The following MXRA5 variants were observed in gnomAD, a reference collection of about 807,000 sequenced individuals.
MXRA5 encodes matrix-remodeling-associated protein 5.
Under a neutral mutation model 112.5 loss-of-function variants are expected in MXRA5, and 41 were observed. The ratio of observed to expected loss-of-function variants is 0.36; its 90% CI spans 0.28 to 0.47. MXRA5 has a LOEUF of 0.47. Ranked by LOEUF, MXRA5 falls within the 20% of genes least tolerant of loss-of-function variation. The pLI, the probability that MXRA5 is intolerant of heterozygous loss-of-function variation, is 0.99. For synonymous variants in MXRA5, 862 were observed against 900.8 expected (o/e 0.96, Z 0.77); for missense variants, 2,150 against 2,251.0 (o/e 0.96, Z 0.91).
chrX:3,331,056 C>G (rs752479977), intron 2 of MXRA5, among the ~76,000 whole-genome samples: 6 of 111,159 alleles, frequency 5.4e-5, no homozygotes, highest in Non-Finnish European at 9.4e-5. Flanking sequence ...GCACAGGCCA[C>G]TATCCCTGGC....
In MXRA5 at chrX:3,324,985, A is replaced by G. The variant is rs773519953; in HGVS notation, c.710-10T>C. On this transcript the variant is annotated splice_polypyrimidine_tract_variant and intron_variant, in intron 4 of 6. Coordinates refer to ENST00000217939, the MANE Select transcript of MXRA5 (RefSeq NM_015419.4). Reference sequence around the variant, plus strand: ...TTACACTTCAGAATTCCTAAAACAAATAAGCAAATAGACAATAGGGTAAGG... The same window carrying G: ...TTACACTTCAGAATTCCTAAAACAAGTAAGCAAATAGACAATAGGGTAAGG... 9 of 1,158,486 alleles carry G rather than the reference A, an allele frequency of 7.8e-6. No homozygotes were observed. In the Admixed American group the frequency reaches 9.6e-5, roughly 12 times the overall value.
intron 1 of MXRA5, among the ~76,000 whole-genome samples, chrX:3,345,760 C>G (rs1351081050): frequency 1.1e-4 from 12 of 112,963 alleles, no homozygotes; most frequent in South Asian, 3.6e-4. Context: ...CTGGAGTGGC[C>G]GGGCGGGCAG....
rs1247204020 is a variant in MXRA5 at position 3,321,236 on chromosome X, A to T, written c.4449T>A (p.Pro1483=). Residue 1483 remains proline (P), a synonymous_variant, in exon 5 of 7, where the codon CCT becomes CCA. Transcript: ENST00000217939. Reference sequence around the variant, plus strand: ...CTGGCTCCTTCATCCGGGCAGCAGTAGGGGTGTGATTCTGTGGTCTAGTTT... The same window carrying T: ...CTGGCTCCTTCATCCGGGCAGCAGTTGGGGTGTGATTCTGTGGTCTAGTTT... ...LSETRPQNHT[P]TAARMKEPAS... 4 of 1,209,658 alleles carry T rather than the reference A, an allele frequency of 3.3e-6. No homozygotes were observed. Among genetic ancestry groups the T allele is most frequent in the Non-Finnish European group, 4.5e-6 (4 of 895,070 alleles).
chrX:3,342,208 G>A (rs191602558), intron 2 of MXRA5, among the ~76,000 whole-genome samples: 6 of 110,153 alleles, frequency 5.4e-5, no homozygotes, highest in African/African-American at 2.0e-4. Flanking sequence ...CATGGGCACA[G>A]GGAGGGGAAC....
At chrX:3,325,805 C>CATATATTTATAAATAAATATATTATT (rs1569184658) in intron 4 of MXRA5, among the ~76,000 whole-genome samples, 1 of 76,925 alleles carries the variant, frequency 1.3e-5, no homozygotes, top group African/African-American at 4.8e-5. Flanking sequence ...TATAGATGTA[C>CATATATTTATAAATAAATATATTATT]ATATATTTAT....
intron 2 of MXRA5, among the ~76,000 whole-genome samples, chrX:3,332,485 C>G (rs1178262310): frequency 9.0e-6 from 1 of 111,014 alleles, no homozygotes; most frequent in African/African-American, 3.3e-5. Context: ...ACCTCCTGAT[C>G]CGCCCCACTC....
At position 3,323,400 on chromosome X, in the gene MXRA5, C is replaced by T. The variant is rs746524869; in HGVS notation, c.2285G>A (p.Arg762His). The T allele has an allele frequency of 1.2e-5, 15 of 1,211,753 alleles. No individual in the cohort carries two copies. The highest frequency in any genetic ancestry group is 3.5e-5 in the South Asian group (2 of 56,979). ...KEPETNVAEG[R>H]RVFESRRRIN... ...CCTTCGTCTAGATTCAAACACTCTG[C>T]GACCTTCTGCAACATTGGTCTCTGG... is the stretch of plus-strand genomic sequence containing the variant. The change falls in exon 5 of 7, where the codon CGC becomes CAC. Residue 762 changes from arginine to histidine, a missense_variant. Arg to His is a conservative substitution (Grantham distance 29). Coordinates refer to ENST00000217939, the MANE Select transcript of MXRA5 (RefSeq NM_015419.4).
In MXRA5 at chrX:3,311,579, C is replaced by A; in HGVS notation, c.6624G>T (p.Val2208=). ...IKVFANGTLV[V]KSVTDKDAGD... is the part of the protein sequence containing the mutation. ...CGGCATCTTTGTCCGTCACTGATTT[C>A]ACCACCAGGGTCCCATTGGCAAACA... Residue 2208 remains valine, a synonymous_variant, in exon 7 of 7, where the codon GTG becomes GTT. Transcript: ENST00000217939. 2.5e-6 allele frequency: 3 copies of A among 1,211,791 alleles called. No homozygotes were observed. The highest frequency in any genetic ancestry group is 3.3e-6 in the Non-Finnish European group (3 of 895,612).
rs1248543090 is a variant in MXRA5, at chrX:3,317,361, A to C, written c.6320T>G (p.Leu2107Arg). The C allele has an allele frequency of 1.7e-6, 2 of 1,209,999 alleles. No homozygotes were observed. Among genetic ancestry groups the C allele is most frequent in the East Asian group, 3.0e-5 (1 of 33,797 alleles). ...CTTGGGCGCGAGGTTGCGGATGTAG[A>C]GCGTCCCGTTGGGGAAAACAAACAA... ...GNLFVFPNGT[L>R]YIRNLAPKDS... Residue 2107 changes from leucine to arginine, a missense_variant, in exon 6 of 7, where the codon CTC becomes CGC. This residue lies in a region of MXRA5 where 1,485 missense variants were observed against 1,471.6 expected (regional missense o/e 1.01). Coordinates refer to ENST00000217939, the MANE Select transcript of MXRA5 (RefSeq NM_015419.4).
intron 4 of MXRA5, among the ~76,000 whole-genome samples, chrX:3,328,919 A>G (rs1212624750): frequency 1.0e-4 from 10 of 96,776 alleles, no homozygotes; most frequent in Non-Finnish European, 2.1e-4. Flanking sequence ...GAGGGAGGGA[A>G]GGAAGGAAAC....
intron 2 of MXRA5, among the ~76,000 whole-genome samples, chrX:3,336,106 T>C (rs1370979170): frequency 8.9e-6 from 1 of 111,828 alleles, no homozygotes; most frequent in East Asian, 2.8e-4. Flanking sequence ...TAGATTCTCA[T>C]TGGAGCACAA....
chrX:3,334,831 T>A (rs112927606), intron 2 of MXRA5, among the ~76,000 whole-genome samples: 77 of 112,098 alleles, frequency 6.9e-4, no homozygotes, highest in African/African-American at 2.4e-3. Flanking sequence ...GATACATTTC[T>A]AATTCATTCT....
chrX:3,309,511 T>C lies in MXRA5; in HGVS notation c.*205A>G, dbSNP rs6655058. On this transcript the variant is annotated 3_prime_UTR_variant, in exon 7 of 7. Coordinates refer to ENST00000217939, the MANE Select transcript of MXRA5 (RefSeq NM_015419.4). ...TGATGTAAACACAAAAGAAAGTGTC[T>C]CAGCAAGGCTGAGCCCTCCTTCTCG... 29,386 of 418,527 alleles carry C rather than the reference T, an allele frequency of 0.07. 1,554 individuals are homozygous for C. Among genetic ancestry groups the C allele is most frequent in the African/African-American group, 0.28 (11,124 of 39,630 alleles). The allele number at this position is 418,527 out of a possible 1,213,427, so 34.5% of individuals were successfully genotyped here. A position where few individuals can be genotyped will look rare whatever the true frequency, so the allele number is the denominator to read the frequency against.
rs41304705 is a variant in MXRA5 at position 3,323,125 on chromosome X, C to T, written c.2560G>A (p.Val854Ile). The T allele has an allele frequency of 2.2e-5, 27 of 1,209,513 alleles. No individual in the cohort carries two copies. Among genetic ancestry groups the T allele is most frequent in the Middle Eastern group, 2.3e-4 (1 of 4,373 alleles). Residue 854 changes from valine (V) to isoleucine (I), a missense_variant, in exon 5 of 7, where the codon GTT becomes ATT. This residue lies in a region of MXRA5 where 1,485 missense variants were observed against 1,471.6 expected (regional missense o/e 1.01). Transcript: ENST00000217939. Reference sequence around the variant, plus strand: ...CTGGCTGAGGAAATGGTACCCAAAACGTGCTCTTCTTCACCAAGTAGAGGT... The same window carrying T: ...CTGGCTGAGGAAATGGTACCCAAAATGTGCTCTTCTTCACCAAGTAGAGGT... ...DVPLLGEEEH[V>I]LGTISSASMG...
intron 4 of MXRA5, among the ~76,000 whole-genome samples, chrX:3,327,230 T>C (rs925971498): frequency 1.5e-4 from 17 of 111,438 alleles, no homozygotes; most frequent in African/African-American, 4.6e-4. Flanking sequence ...CTGACCATGG[T>C]TTTCTGTGTG....
At chrX:3,331,699 T>C (rs1243040592) in intron 2 of MXRA5, among the ~76,000 whole-genome samples, 2 of 112,314 alleles carry the variant, frequency 1.8e-5, no homozygotes, top group African/African-American at 6.5e-5. Context: ...TAACCTGTCC[T>C]CAAGATAAGT....
chrX:3,334,297 G>A (rs1251384596), intron 2 of MXRA5, among the ~76,000 whole-genome samples: 1 of 111,863 alleles, frequency 8.9e-6, no homozygotes, highest in Non-Finnish European at 1.9e-5. Flanking sequence ...CATGTTTTGA[G>A]GTCAGGCACA....
intron 2 of MXRA5, among the ~76,000 whole-genome samples, chrX:3,334,326 C>T (rs1309120598): frequency 2.7e-5 from 3 of 111,837 alleles, no homozygotes; most frequent in Non-Finnish European, 5.6e-5. Context: ...TGCCCGCTGG[C>T]TATCCCAGAG....
chrX:3,322,762 T>C lies in MXRA5; in HGVS notation c.2923A>G (p.Met975Val), dbSNP rs1199310040. 4 of 1,209,722 alleles carry C rather than the reference T, an allele frequency of 3.3e-6. No individual in the cohort carries two copies. The highest frequency in any genetic ancestry group is 4.5e-6 in the Non-Finnish European group (4 of 895,188). The change falls in exon 5 of 7, where the codon ATG becomes GTG. Residue 975 changes from methionine (M) to valine (V), a missense_variant. Met to Val is a conservative substitution (Grantham distance 21, BLOSUM62 1). Coordinates refer to ENST00000217939, the MANE Select transcript of MXRA5 (RefSeq NM_015419.4). ...DAVSLAESEP[M>V]QYFDPDLETK... is the part of the protein sequence containing the mutation. ...TCCAAATCTGGGTCAAAGTATTGCA[T>C]GGGCTCAGACTCAGCCAAGGAGACA...
Sources: gnomAD v4.1 joint callset for allele counts (sites outside exome capture counted in the v4.1 genomes callset) on GRCh38, gnomAD v4.1.1 for gene constraint, gnomAD v4.1.1 regional missense constraint, MANE v1.5 for transcripts, NCBI Gene and HGNC (gene_info 2026-07-23, HGNC 2026-07-21) for gene names.